The following TNFAIP8 variants were observed in gnomAD, a reference collection of about 807,000 sequenced individuals.
TNFAIP8 encodes the protein tumor necrosis factor alpha-induced protein 8.
Under a neutral mutation model 13.3 loss-of-function variants are expected in TNFAIP8, and 7 were observed. The ratio of observed to expected loss-of-function variants is 0.52; its 90% CI spans 0.30 to 0.99. The LOEUF (loss-of-function observed/expected upper bound fraction) is 0.99, where lower values mean the gene tolerates loss of function less well. Ranked by LOEUF, TNFAIP8 falls within the 50% of genes least tolerant of loss-of-function variation. The pLI is 0.07. For synonymous variants in TNFAIP8, 94 were observed against 87.6 expected (o/e 1.07, Z -0.41); for missense variants, 258 against 236.9 (o/e 1.09, Z -0.58).
Position 119,361,159 on chromosome 5 carries a change from A to G in TNFAIP8, c.31+5038A>G, listed in dbSNP as rs141462041. 1.9e-3 allele frequency among the ~76,000 whole-genome samples: 287 copies of G among 152,340 alleles called. 1 individual carries two copies. Among genetic ancestry groups the G allele is most frequent in the African/African-American group, 6.6e-3 (276 of 41,580 alleles). On this transcript the variant is annotated intron_variant, in intron 1 of 1. Coordinates refer to ENST00000504771, the MANE Select transcript of TNFAIP8 (RefSeq NM_014350.4). ...CACAGCCTCTCTTTCTCTGGAGCACATTGCAGCAGGCCCGGTGCACTCTGG... is the reference window on the plus strand; with the variant it reads ...CACAGCCTCTCTTTCTCTGGAGCACGTTGCAGCAGGCCCGGTGCACTCTGG...
At chr5:119,281,918 A>G (rs1748642506) in intron 1 of TNFAIP8, among the ~76,000 whole-genome samples, 1 of 152,248 alleles carries the variant, frequency 6.6e-6, no homozygotes, top group Non-Finnish European at 1.5e-5. Context: ...GTTGTCTGAT[A>G]TAAAATCCTT....
chr5:119,368,995 T>C (rs760614643), intron 1 of TNFAIP8, among the ~76,000 whole-genome samples: 7 of 151,910 alleles, frequency 4.6e-5, no homozygotes, highest in Admixed American at 2.0e-4. Flanking sequence ...TCAAATAGGA[T>C]GCTTTTAGGG....
chr5:119,329,654 C>T (rs1366203849), intron 1 of TNFAIP8, among the ~76,000 whole-genome samples: 1 of 152,134 alleles, frequency 6.6e-6, no homozygotes, highest in Non-Finnish European at 1.5e-5. Flanking sequence ...GATATGTTAA[C>T]TTTATGGAGC....
intron 1 of TNFAIP8, among the ~76,000 whole-genome samples, chr5:119,376,816 G>T (rs777060975): frequency 1.3e-5 from 2 of 152,118 alleles, no homozygotes; most frequent in Non-Finnish European, 2.9e-5. Flanking sequence ...TGATATTTGG[G>T]AGGGACTGTG....
In TNFAIP8 at chr5:119,393,186, A is replaced by G. The variant is rs1296661575; in HGVS notation, c.402A>G (p.Glu134=). Residue 134 remains glutamate, a synonymous_variant, in exon 2 of 2, where the codon GAA becomes GAG. Coordinates refer to ENST00000504771, the MANE Select transcript of TNFAIP8 (RefSeq NM_014350.4). ...ATGTGTTATCCAGGCTGTTAAATGA[A>G]TGCAGAGAGATGCTGCACCAAATCA... The part of the protein sequence containing the change: ...DRNVLSRLLN[E]CREMLHQIIQ... The G allele has an allele frequency of 6.2e-7, 1 of 1,613,918 alleles. No individual in the cohort carries two copies. Among genetic ancestry groups the G allele is most frequent in the African/African-American group, 1.3e-5 (1 of 74,944 alleles).
chr5:119,391,425 G>A (rs1054513959), intron 1 of TNFAIP8: 2 of 702,184 alleles, frequency 2.8e-6, no homozygotes, highest in African/African-American at 3.5e-5. Context: ...CAGAGATTGA[G>A]TAGACACCCA....
At position 119,308,392 on chromosome 5, in the gene TNFAIP8, C is replaced by CT. The variant is rs57948080; in HGVS notation, c.1+39504dup. 6.9e-3 allele frequency among the ~76,000 whole-genome samples: 886 copies of CT among 129,212 alleles called. 9 individuals are homozygous for CT. Among genetic ancestry groups the CT allele is most frequent in the Middle Eastern group, 7.9e-3 (2 of 254 alleles). 84.8% of individuals were successfully genotyped at this position (129,212 alleles called of 152,430 possible). On this transcript the variant is annotated intron_variant, in intron 1 of 1. Coordinates refer to the TNFAIP8 transcript ENST00000274456. The stretch of plus-strand genomic sequence containing the variant: ...TTTTTCTCTCTTCTACGTTTCCCAC[C>CT]TTTTTTTTTTTTTTTTTTTGGTTTC...
chr5:119,271,647 A>G (rs7704111), intron 1 of TNFAIP8, among the ~76,000 whole-genome samples: 99,150 of 152,124 alleles, frequency 0.65, 35,367 homozygotes, highest in East Asian at 0.88. Flanking sequence ...TGCCAGGGGC[A>G]TTGACTTTGG....
chr5:119,287,385 G>A (rs750357145), intron 1 of TNFAIP8, among the ~76,000 whole-genome samples: 4 of 142,674 alleles, frequency 2.8e-5, no homozygotes, highest in African/African-American at 5.1e-5. Context: ...GATTTGATGT[G>A]TAATGATTAC....
chr5:119,268,895 G>C, exon 1 of TNFAIP8: 1 of 701,514 alleles, frequency 1.4e-6, no homozygotes, highest in South Asian at 1.5e-5. Flanking sequence ...GCGCCGTCGC[G>C]CCACTCCTCC....
At chr5:119,355,829 C>T (rs1242404964), upstream of TNFAIP8, 3 of 1,007,552 alleles carry the variant, frequency 3.0e-6, no homozygotes, top group Non-Finnish European at 2.4e-6. Context: ...CAGGTCGCCT[C>T]CGCCCGGCTG....
chr5:119,333,808 G>A (rs541500641), intron 1 of TNFAIP8, among the ~76,000 whole-genome samples: 52 of 152,270 alleles, frequency 3.4e-4, no homozygotes, highest in Non-Finnish European at 4.7e-4. Context: ...ATGGCTCTGG[G>A]TGTGGGGAAC....
At chr5:119,325,203 G>T (rs150948688) in intron 1 of TNFAIP8, among the ~76,000 whole-genome samples, 1 of 152,132 alleles carries the variant, frequency 6.6e-6, no homozygotes, top group African/African-American at 2.4e-5. Context: ...ATAACCCCGC[G>T]CAGTTTCCTT....
chr5:119,297,230 C>G (rs1041554188), intron 1 of TNFAIP8, among the ~76,000 whole-genome samples: 1 of 152,054 alleles, frequency 6.6e-6, no homozygotes, highest in African/African-American at 2.4e-5. Context: ...CCTGCTTTCT[C>G]TTGTGGGCAT....
chr5:119,312,387 AATGCCTGGCTC>A (rs1749756953), intron 1 of TNFAIP8, among the ~76,000 whole-genome samples: 1 of 152,374 alleles, frequency 6.6e-6, no homozygotes, highest in African/African-American at 2.4e-5. Context: ...TACTTAGTTC[AATGCCTGGCTC>A]ATAGTAAGTG....
At chr5:119,392,151 T>C (rs967759644) in intron 1 of TNFAIP8, among the ~76,000 whole-genome samples, 6 of 152,244 alleles carry the variant, frequency 3.9e-5, no homozygotes, top group Non-Finnish European at 7.3e-5. Context: ...AACACTCGAC[T>C]TCTGGAGGCT....
chr5:119,386,978 C>CCTCT (rs1554183299), intron 1 of TNFAIP8, among the ~76,000 whole-genome samples: 101 of 135,360 alleles, frequency 7.5e-4, no homozygotes, highest in East Asian at 2.5e-3. Flanking sequence ...TCCCTCCCTC[C>CCTCT]CTCTCTTTCC....
At chr5:119,299,491 G>A (rs536907449) in intron 1 of TNFAIP8, among the ~76,000 whole-genome samples, 1 of 152,294 alleles carries the variant, frequency 6.6e-6, no homozygotes, top group East Asian at 1.9e-4. Flanking sequence ...GGAGTACCCG[G>A]CCGTGTGAGG....
chr5:119,379,079 CA>C (rs1423357758), intron 1 of TNFAIP8, among the ~76,000 whole-genome samples: 34 of 152,110 alleles, frequency 2.2e-4, no homozygotes, highest in African/African-American at 7.0e-4. Flanking sequence ...ATAAATAAAA[CA>C]AAAGATAGTT....
Sources: gnomAD v4.1 joint callset for allele counts (sites outside exome capture counted in the v4.1 genomes callset) on GRCh38, gnomAD v4.1.1 for gene constraint, MANE v1.5 for transcripts, NCBI Gene and HGNC (gene_info 2026-07-23, HGNC 2026-07-21) for gene names.